The following SHCBP1 variants were observed in gnomAD, a reference collection of about 807,000 sequenced individuals.
The protein encoded by SHCBP1 is SHC SH2 domain-binding protein 1.
A neutral mutation model predicts 75.1 loss-of-function variants in SHCBP1; 60 were observed. That is an observed-to-expected ratio of 0.80 (90% confidence interval 0.65 to 0.99). The LOEUF is 0.99. SHCBP1 is among the 50% of genes least tolerant of loss of function. SHCBP1 has a pLI of 0.00. For missense variants in SHCBP1, 709 were observed against 809.4 expected, an observed-to-expected ratio of 0.88 and a Z score of 1.50; for synonymous variants, 290 against 293.2, an observed-to-expected ratio of 0.99 and a Z score of 0.11.
chr16:46,603,914 G>A (rs367674562), intron 7 of SHCBP1, 61 bp downstream of exon 7: 20 of 1,543,772 alleles, frequency 1.3e-5, no homozygotes, highest in Middle Eastern at 3.5e-4. Context: ...TGGGATTTGT[G>A]AAAACCTGTG....
chr16:46,606,465 T>G (rs1965327792), intron 5 of SHCBP1, among the ~76,000 whole-genome samples: 1 of 152,206 alleles, frequency 6.6e-6, no homozygotes, highest in Non-Finnish European at 1.5e-5. Context: ...CATCTGCCAG[T>G]GATGTACAAG....
At chr16:46,602,182 A>G (rs926437512) in intron 8 of SHCBP1, among the ~76,000 whole-genome samples, 11 of 152,340 alleles carry the variant, frequency 7.2e-5, no homozygotes, top group African/African-American at 2.4e-4. Context: ...AAACTATAAT[A>G]TCAGTGTTAT....
chr16:46,598,922 T>C (rs1376844540), intron 9 of SHCBP1, among the ~76,000 whole-genome samples: 5 of 152,240 alleles, frequency 3.3e-5, no homozygotes, highest in Non-Finnish European at 7.3e-5. Context: ...CTGCTTTCCT[T>C]AAACCTCATG....
At chr16:46,589,008 T>G (rs1369503447) in intron 10 of SHCBP1, among the ~76,000 whole-genome samples, 2 of 152,230 alleles carry the variant, frequency 1.3e-5, no homozygotes, top group Non-Finnish European at 2.9e-5. Flanking sequence ...GATGCAAGGC[T>G]GGTTCAACAT....
In SHCBP1 at chr16:46,580,590, C is replaced by G. The variant is rs1345997867; in HGVS notation, c.*1139G>C. On this transcript the variant is annotated 3_prime_UTR_variant, in exon 13 of 13. Coordinates refer to ENST00000303383, the MANE Select transcript of SHCBP1 (RefSeq NM_024745.5). Reference sequence around the variant, plus strand: ...CATCACTATAATTTTAATCATTAGGCATATTAATGTCACATACAGTTTTTA... The same window carrying G: ...CATCACTATAATTTTAATCATTAGGGATATTAATGTCACATACAGTTTTTA... The G allele has an allele frequency of 6.6e-6, 1 of 152,040 alleles. No homozygotes were observed. The highest frequency in any genetic ancestry group is 1.5e-5 in the Non-Finnish European group (1 of 68,016). The allele number at this position is 152,040 out of a possible 1,614,324, so 9.4% of individuals were successfully genotyped here.
At chr16:46,598,672 T>A (rs969750535) in intron 9 of SHCBP1, among the ~76,000 whole-genome samples, 2 of 152,206 alleles carry the variant, frequency 1.3e-5, no homozygotes, top group African/African-American at 4.8e-5. Flanking sequence ...CATTCACTCA[T>A]AACAAGAGAG....
Position 46,604,407 on chromosome 16 carries a change from G to A in SHCBP1, c.744C>T (p.His248=). The A allele has an allele frequency of 1.2e-6, 2 of 1,614,150 alleles. No homozygotes were observed. The highest frequency in any genetic ancestry group is 1.7e-6 in the Non-Finnish European group (2 of 1,179,998). The part of the protein sequence containing the change: ...RVPSGLIVDY[H]NLLSQCEESY... ...TCTCCTCACATTGAGACAACAGATTGTGGTAGTCAACAATAAGTCCTGATG... is the reference window on the plus strand; with the variant it reads ...TCTCCTCACATTGAGACAACAGATTATGGTAGTCAACAATAAGTCCTGATG... The change falls in exon 6 of 13, where the codon CAC becomes CAT. Residue 248 remains histidine, a synonymous_variant. Transcript: ENST00000303383.
chr16:46,610,260 A>C (rs1407879558), intron 4 of SHCBP1, among the ~76,000 whole-genome samples: 1 of 152,070 alleles, frequency 6.6e-6, no homozygotes. Context: ...ATCATTCACA[A>C]ATTTTTAGTA....
chr16:46,591,275 C>A (rs987918689), intron 10 of SHCBP1, among the ~76,000 whole-genome samples: 1 of 151,998 alleles, frequency 6.6e-6, no homozygotes, highest in Non-Finnish European at 1.5e-5. Context: ...ATGTAACAAA[C>A]CTGCACGTTG....
Position 46,608,319 on chromosome 16 carries a change from A to G in SHCBP1, c.667T>C (p.Cys223Arg), listed in dbSNP as rs1200594001. The change falls in exon 5 of 13, where the codon TGT (cysteine) becomes CGT (arginine). Residue 223 changes from cysteine (C) to arginine (R), a missense_variant. Cys to Arg is a radical substitution (Grantham distance 180, BLOSUM62 -3). Transcript: ENST00000303383. ...TACAATCTTAATCGAGGTTCAACACATCTGACAAAATAATCGTATTCATCC... is the reference window on the plus strand; with the variant it reads ...TACAATCTTAATCGAGGTTCAACACGTCTGACAAAATAATCGTATTCATCC... ...EEDEYDYFVRCVEPRLRLHYD... is the reference protein window; with the variant it reads ...EEDEYDYFVRRVEPRLRLHYD... The G allele has an allele frequency of 1.9e-6, 3 of 1,613,276 alleles. No homozygotes were observed. Among genetic ancestry groups the G allele is most frequent in the East Asian group, 2.2e-5 (1 of 44,872 alleles).
At chr16:46,599,733 C>A in intron 9 of SHCBP1, 98 bp downstream of exon 9, 11 of 679,820 alleles carry the variant, frequency 1.6e-5, no homozygotes, top group African/African-American at 2.2e-5. Context: ...TATGCCTGTA[C>A]TCAAGAGTGG....
chr16:46,596,199 A>G (rs1288232586), intron 9 of SHCBP1, among the ~76,000 whole-genome samples: 1 of 152,024 alleles, frequency 6.6e-6, no homozygotes. Flanking sequence ...TCATCACACT[A>G]TGTACATAAA....
At chr16:46,611,220 A>G (rs1596687442) in intron 4 of SHCBP1, among the ~76,000 whole-genome samples, 1 of 152,246 alleles carries the variant, frequency 6.6e-6, no homozygotes, top group South Asian at 2.1e-4. Context: ...ACCCTGAACT[A>G]CGGGAATAGG....
At chr16:46,605,448 T>G (rs1412740954) in intron 5 of SHCBP1, among the ~76,000 whole-genome samples, 1 of 152,004 alleles carries the variant, frequency 6.6e-6, no homozygotes, top group African/African-American at 2.4e-5. Context: ...ATGAGCCTGG[T>G]GTGATGGCAT....
chr16:46,584,861 A>C (rs1246640779), intron 10 of SHCBP1, among the ~76,000 whole-genome samples: 1 of 152,248 alleles, frequency 6.6e-6, no homozygotes, highest in African/African-American at 2.4e-5. Flanking sequence ...ATCGATGAAG[A>C]AGAGTTGCTG....
chr16:46,603,907 G>A lies in SHCBP1; in HGVS notation c.1092+68C>T, dbSNP rs184082603. 48 of 1,532,532 alleles carry A rather than the reference G, an allele frequency of 3.1e-5. 1 individual carries two copies. In the East Asian group the frequency reaches 6.3e-4, roughly 20 times the overall value. 94.9% of individuals were successfully genotyped at this position (1,532,532 alleles called of 1,614,324 possible). ...GAAAGCTCCTGTAAATACTTTGTGG[G>A]ATTTGTGAAAACCTGTGGTGAATCA... is the stretch of plus-strand genomic sequence containing the variant. On this transcript the variant is annotated intron_variant, in intron 7 of 12. Transcript: ENST00000303383.
rs1291101706 is a variant in SHCBP1 at position 46,617,743 on chromosome 16, C to T, written c.278G>A (p.Cys93Tyr). Residue 93 changes from cysteine (C) to tyrosine (Y), a missense_variant, in exon 3 of 13, where the codon TGC becomes TAC. By Grantham distance (194) the Cys-to-Tyr change is radical. Transcript: ENST00000303383. ...RAYQDYILADCKASEVQEFTA... is the reference protein window; with the variant it reads ...RAYQDYILADYKASEVQEFTA... ...GAATTCCTGTACCTCAGAGGCCTTG[C>T]AGTCAGCTACAAACAAATTAAACAC... The T allele has an allele frequency of 6.2e-7, 1 of 1,610,744 alleles. No homozygotes were observed. Among genetic ancestry groups the T allele is most frequent in the Non-Finnish European group, 8.5e-7 (1 of 1,178,604 alleles).
rs1003144200 is a variant in SHCBP1, at chr16:46,599,945, C to T, written c.1231G>A (p.Asp411Asn). The T allele has an allele frequency of 8.1e-6, 13 of 1,613,238 alleles. No individual in the cohort carries two copies. Among genetic ancestry groups the T allele is most frequent in the Non-Finnish European group, 1.1e-5 (13 of 1,179,758 alleles). The change falls in exon 9 of 13, where the codon GAC (aspartate) becomes AAC (asparagine). Residue 411 changes from aspartate (D) to asparagine (N), a missense_variant. Coordinates refer to ENST00000303383, the MANE Select transcript of SHCBP1 (RefSeq NM_024745.5). ...TTGCCCCTCTTTTCTATCACAATGTCATCTGGTAGGCCATATCCTAAGGAA... is the reference window on the plus strand; with the variant it reads ...TTGCCCCTCTTTTCTATCACAATGTTATCTGGTAGGCCATATCCTAAGGAA... ...IELEGYGLPD[D>N]IVIEKRGKGD... is the part of the protein sequence containing the mutation.
intron 10 of SHCBP1, among the ~76,000 whole-genome samples, chr16:46,587,111 A>T (rs1483944255): frequency 6.6e-6 from 1 of 152,184 alleles, no homozygotes; most frequent in African/African-American, 2.4e-5. Context: ...AAATCATAAA[A>T]TTCTCTAATA....
Sources: gnomAD v4.1 joint callset for allele counts (sites outside exome capture counted in the v4.1 genomes callset) on GRCh38, gnomAD v4.1.1 for gene constraint, MANE v1.5 for transcripts, NCBI Gene and HGNC (gene_info 2026-07-23, HGNC 2026-07-21) for gene names.